The following ATR variants were observed in gnomAD, a reference collection of about 807,000 sequenced individuals.
ATR encodes ATR checkpoint kinase.
In ATR, 142 loss-of-function variants were observed where a neutral mutation model predicts 305.3. That is an observed-to-expected ratio of 0.47 (90% CI 0.41 to 0.53). The LOEUF (loss-of-function observed/expected upper bound fraction) is 0.53. Ranked by LOEUF, ATR falls within the 20% of genes least tolerant of loss-of-function variation. The probability of loss-of-function intolerance (pLI) is 0.00; values close to 1 mark genes in which losing one functional copy is unlikely to be tolerated. For missense variants in ATR, 2,135 were observed against 3,133.1 expected, an observed-to-expected ratio of 0.68 and a Z score of 7.60; for synonymous variants, 1,050 against 1,068.1, an observed-to-expected ratio of 0.98 and a Z score of 0.33.
intron 40 of ATR, 101 bp from the exon 41 acceptor site, chr3:142,465,341 T>A: frequency 1.2e-6 from 1 of 847,896 alleles, no homozygotes; most frequent in Non-Finnish European, 1.8e-6. Context: ...AAAAGAATAT[T>A]ACCAGCTATA....
rs764128030 is a variant in ATR, at chr3:142,479,901, C to T, written c.6221+5239G>A. Among the ~76,000 whole-genome samples the T allele has an allele frequency of 1.5e-3, 234 of 152,334 alleles. 3 individuals are homozygous for T. The highest frequency in any genetic ancestry group is 2.2e-3 in the Non-Finnish European group (153 of 68,032). Reference sequence around the variant, plus strand: ...AATCGGCTACTGAAGCTTGTGCATTCGTCACGTAGTTCCTGTGCCGTGGAT... The same window carrying T: ...AATCGGCTACTGAAGCTTGTGCATTTGTCACGTAGTTCCTGTGCCGTGGAT... On this transcript the variant is annotated intron_variant, in intron 36 of 46. Transcript: ENST00000350721.
intron 46 of ATR, chr3:142,451,644 A>C: frequency 8.1e-7 from 1 of 1,233,264 alleles, no homozygotes; most frequent in Non-Finnish European, 1.0e-6. Context: ...CAGTGGTGTC[A>C]TCATAGCTCA....
Position 142,555,975 on chromosome 3 carries a change from G to A in ATR, c.2243C>T (p.Thr748Ile), listed in dbSNP as rs376540496. 1.9e-6 allele frequency: 3 copies of A among 1,613,836 alleles called. No homozygotes were observed. In the African/African-American group the frequency reaches 4.0e-5, roughly 22 times the overall value. The change falls in exon 10 of 47, where the codon ACT becomes ATT. Residue 748 changes from threonine to isoleucine, a missense_variant. Around this residue, in one of 9 missense-constraint regions of ATR, gnomAD observed 744 missense variants for 873.2 expected, o/e 0.85. Transcript: ENST00000350721. The stretch of plus-strand genomic sequence containing the variant: ...AGAAGATGAACATTCATGTTGAGAA[G>A]TGGCTTTCAAGTTCCTACAGAAGAG... ...VDLFCRNLKA[T>I]SQHECSSSQL...
chr3:142,476,350 A>C (rs1437150078), intron 36 of ATR, among the ~76,000 whole-genome samples: 1 of 152,088 alleles, frequency 6.6e-6, no homozygotes, highest in Non-Finnish European at 1.5e-5. Flanking sequence ...TTAAATAGGG[A>C]ATCCTTTCCC....
At chr3:142,464,529 A>G (rs1385244481) in intron 41 of ATR, among the ~76,000 whole-genome samples, 1 of 152,264 alleles carries the variant, frequency 6.6e-6, no homozygotes, top group African/African-American at 2.4e-5. Flanking sequence ...ATGGAAAACA[A>G]TAGACTATTA....
intron 23 of ATR, among the ~76,000 whole-genome samples, chr3:142,521,049 G>C (rs1177761646): frequency 3.3e-5 from 5 of 152,122 alleles, no homozygotes; most frequent in Admixed American, 1.3e-4. Flanking sequence ...TCCTAGGGCT[G>C]TTAGGAATTA....
intron 21 of ATR, among the ~76,000 whole-genome samples, chr3:142,533,246 C>T (rs945751239): frequency 2.6e-5 from 4 of 152,120 alleles, no homozygotes; most frequent in African/African-American, 9.7e-5. Flanking sequence ...AGGGAGCTAT[C>T]ATCACACCCC....
Position 142,555,985 on chromosome 3 carries a change from A to C in ATR, c.2233T>G (p.Leu745Val). ...CATTCATGTTGAGAAGTGGCTTTCA[A>C]GTTCCTACAGAAGAGGTCCACATGT... ...HGHVDLFCRN[L>V]KATSQHECSS... Residue 745 changes from leucine (L) to valine (V), a missense_variant, in exon 10 of 47, where the codon TTG (leucine) becomes GTG (valine). Leu to Val is a conservative substitution (Grantham distance 32). This residue lies in a region of ATR where 744 missense variants were observed against 873.2 expected (regional missense o/e 0.85). Transcript: ENST00000350721. 1 of 1,614,090 alleles carries C rather than the reference A, an allele frequency of 6.2e-7. No individual in the cohort carries two copies. The highest frequency in any genetic ancestry group is 8.5e-7 in the Non-Finnish European group (1 of 1,179,978).
chr3:142,489,001 C>T (rs2031121235), intron 35 of ATR, among the ~76,000 whole-genome samples: 1 of 152,048 alleles, frequency 6.6e-6, no homozygotes, highest in South Asian at 2.1e-4. Flanking sequence ...TAATCCTAGG[C>T]ATTTCATCAT....
chr3:142,477,120 T>C (rs2108293875), intron 36 of ATR, among the ~76,000 whole-genome samples: 1 of 152,322 alleles, frequency 6.6e-6, no homozygotes, highest in South Asian at 2.1e-4. Flanking sequence ...GGCCAGAACT[T>C]CCAACACTAT....
chr3:142,536,665 C>G (rs368075054), intron 19 of ATR, among the ~76,000 whole-genome samples: 7 of 152,154 alleles, frequency 4.6e-5, no homozygotes, highest in African/African-American at 1.7e-4. Context: ...TGAGACTACA[C>G]GGAATGAGAG....
chr3:142,528,879 A>ATGTTTT (rs1215767510), intron 21 of ATR, among the ~76,000 whole-genome samples: 1 of 30,488 alleles, frequency 3.3e-5, no homozygotes. Flanking sequence ...ATATATATAT[A>ATGTTTT]TTTTTTTTTT....
chr3:142,549,739 C>CT, intron 14 of ATR, 66 bp from the exon 15 acceptor site: 1 of 1,452,224 alleles, frequency 6.9e-7, no homozygotes, highest in Non-Finnish European at 9.6e-7. Context: ...TTCACATAAG[C>CT]TATGTGCAAA....
chr3:142,544,638 A>T (rs1425054207), intron 16 of ATR, among the ~76,000 whole-genome samples: 2 of 150,918 alleles, frequency 1.3e-5, no homozygotes, highest in African/African-American at 2.4e-5. Context: ...AAAAAAAAAA[A>T]AAAATGAGCT....
At chr3:142,516,488 T>C (rs2032866371) in intron 24 of ATR, among the ~76,000 whole-genome samples, 1 of 152,198 alleles carries the variant, frequency 6.6e-6, no homozygotes, top group Non-Finnish European at 1.5e-5. Context: ...TTTTCATTAT[T>C]GGCTCTCTTC....
At chr3:142,544,006 G>C (rs1407015746) in intron 16 of ATR, among the ~76,000 whole-genome samples, 2 of 152,092 alleles carry the variant, frequency 1.3e-5, no homozygotes, top group Non-Finnish European at 2.9e-5. Context: ...TCCTGGAGGA[G>C]AGGGCATGGG....
At chr3:142,470,312 G>T in intron 36 of ATR, 129 bp from the exon 37 acceptor site, 2 of 816,942 alleles carry the variant, frequency 2.4e-6, no homozygotes, top group Non-Finnish European at 3.9e-6. Context: ...TTTCTTCCTA[G>T]AAGTTATTTT....
At chr3:142,543,657 T>C (rs1181482571) in intron 16 of ATR, among the ~76,000 whole-genome samples, 3 of 151,834 alleles carry the variant, frequency 2.0e-5, no homozygotes, top group Non-Finnish European at 4.4e-5. Flanking sequence ...TTTCTCTCTC[T>C]TTTTTCTTTT....
At chr3:142,545,960 T>C (rs1214608708) in intron 16 of ATR, among the ~76,000 whole-genome samples, 1 of 152,188 alleles carries the variant, frequency 6.6e-6, no homozygotes, top group African/African-American at 2.4e-5. Context: ...TTATAAGACA[T>C]GAGAGTAGAG....
Sources: gnomAD v4.1 joint callset for allele counts (sites outside exome capture counted in the v4.1 genomes callset) on GRCh38, gnomAD v4.1.1 for gene constraint, gnomAD v4.1.1 regional missense constraint, MANE v1.5 for transcripts, NCBI Gene and HGNC (gene_info 2026-07-23, HGNC 2026-07-21) for gene names.